GPHN: variants seen among roughly 807,000 people sequenced by gnomAD.
The protein encoded by GPHN is gephyrin.
A neutral mutation model predicts 95.5 loss-of-function variants in GPHN; 17 were observed. That is an observed-to-expected ratio of 0.18 (90% confidence interval 0.12 to 0.27). The LOEUF (loss-of-function observed/expected upper bound fraction) is 0.27, where lower values mean the gene tolerates loss of function less well. GPHN is among the 10% of genes least tolerant of loss of function. GPHN has a pLI of 1.00. For missense variants in GPHN, 660 were observed against 978.1 expected (o/e 0.67, Z 4.34); for synonymous variants, 320 against 322.5 (o/e 0.99, Z 0.08).
At chr14:67,122,526 G>T (rs1278258016) in intron 17 of GPHN, 149 bp downstream of exon 17, 1 of 681,258 alleles carries the variant, frequency 1.5e-6, no homozygotes, top group East Asian at 2.8e-5. Flanking sequence ...GAATATTGAG[G>T]TATCTATGTC....
chr14:67,392,463 A>G, the GPHN span: 1 of 1,500,488 alleles, frequency 6.7e-7, no homozygotes, highest in Non-Finnish European at 9.3e-7. Context: ...TCTGCTACAG[A>G]AAAGACCCAG....
chr14:67,008,331 C>T (rs1348364895), intron 9 of GPHN, among the ~76,000 whole-genome samples: 2 of 151,610 alleles, frequency 1.3e-5, no homozygotes. Flanking sequence ...TGGTGCGTGC[C>T]TGTAATCCCA....
intron 1 of GPHN, among the ~76,000 whole-genome samples, chr14:66,679,904 C>G (rs901245502): frequency 6.6e-6 from 1 of 152,140 alleles, no homozygotes; most frequent in East Asian, 1.9e-4. Flanking sequence ...TATTTATTCT[C>G]TTTTCCCTTG....
the GPHN span, among the ~76,000 whole-genome samples, chr14:67,520,225 CTCTTGGTGTTCTTT>C: frequency 0.4 from 61,101 of 151,950 alleles, 13,331 homozygotes; most frequent in Non-Finnish European, 0.49. Flanking sequence ...TTAGGGTTCA[CTCTTGGTGTTCTTT>C]TTATGAGTTT....
the GPHN span, among the ~76,000 whole-genome samples, chr14:67,446,894 G>A: frequency 6.6e-6 from 1 of 151,912 alleles, no homozygotes; most frequent in East Asian, 1.9e-4. Flanking sequence ...TTGGATCACA[G>A]CCACGTCCAT....
At chr14:67,338,798 C>G in the GPHN span, 3 of 1,568,882 alleles carry the variant, frequency 1.9e-6, no homozygotes, top group Non-Finnish European at 2.6e-6. Context: ...TTTTTAAACA[C>G]TGTTTCAATA....
the GPHN span, chr14:67,620,127 C>A: frequency 6.9e-7 from 1 of 1,448,722 alleles, no homozygotes; most frequent in Admixed American, 2.0e-5. Flanking sequence ...CAGGATCCTC[C>A]GCCCCCTAGA....
the GPHN span, chr14:67,725,162 G>A: frequency 2.2e-5 from 36 of 1,614,016 alleles, no homozygotes; most frequent in East Asian, 6.7e-5. Flanking sequence ...AGTGAAATCC[G>A]AGTGGATACA....
chr14:67,203,148 G>A, the GPHN span: 797 of 1,613,764 alleles, frequency 4.9e-4, no homozygotes, highest in Non-Finnish European at 6.5e-4. Flanking sequence ...CTGGGTGACC[G>A]TAGGCATCTG....
chr14:67,466,186 C>A, the GPHN span, among the ~76,000 whole-genome samples: 2 of 152,258 alleles, frequency 1.3e-5, no homozygotes, highest in Non-Finnish European at 2.9e-5. Context: ...CCCTTCTAAA[C>A]CAGAAAACTT....
chr14:67,684,305 T>C, the GPHN span, among the ~76,000 whole-genome samples: 1 of 152,122 alleles, frequency 6.6e-6, no homozygotes, highest in African/African-American at 2.4e-5. Flanking sequence ...GGTAAAAACA[T>C]GTTAAAATTT....
intron 3 of GPHN, among the ~76,000 whole-genome samples, chr14:66,780,067 T>G (rs1474562685): frequency 6.6e-6 from 1 of 152,134 alleles, no homozygotes; most frequent in African/African-American, 2.4e-5. Context: ...TGATAACTTA[T>G]TGGATGTTTA....
the GPHN span, chr14:67,574,024 T>G: frequency 1.4e-6 from 1 of 727,654 alleles, no homozygotes; most frequent in African/African-American, 1.8e-5. The surrounding 1 kb of genome is among the most constrained non-coding windows in gnomAD (Gnocchi z 4.2). Context: ...GATCCTAACT[T>G]GTGAGTACAA....
At chr14:67,218,569 C>A in the GPHN span, among the ~76,000 whole-genome samples, 1 of 152,034 alleles carries the variant, frequency 6.6e-6, no homozygotes, top group Non-Finnish European at 1.5e-5. Context: ...TGGGTTCTTG[C>A]CTGTTTGGCT....
At chr14:66,832,507 T>A (rs1596062369) in intron 4 of GPHN, among the ~76,000 whole-genome samples, 1 of 152,322 alleles carries the variant, frequency 6.6e-6, no homozygotes, top group South Asian at 2.1e-4. Flanking sequence ...CAGCCAGATA[T>A]GTGAAAAAAT....
At chr14:67,727,166 C>G in the GPHN span, 4 of 1,613,562 alleles carry the variant, frequency 2.5e-6, no homozygotes, top group African/African-American at 1.3e-5. Flanking sequence ...GCTTTTTACT[C>G]GTGAGCTGGC....
At position 66,867,807 on chromosome 14, in the gene GPHN, T is replaced by C. The variant is rs547422621; in HGVS notation, c.295-12132T>C. Among the ~76,000 whole-genome samples, 364 of 152,334 alleles carry C rather than the reference T, an allele frequency of 2.4e-3. 4 individuals carry two copies. The highest frequency in any genetic ancestry group is 8.2e-3 in the African/African-American group (343 of 41,578). Reference sequence around the variant, plus strand: ...GTTGAACATAAAGTGATTATAAAGATAAGACCAAATGGTACATATTGTCAT... The same window carrying C: ...GTTGAACATAAAGTGATTATAAAGACAAGACCAAATGGTACATATTGTCAT... On this transcript the variant is annotated intron_variant, in intron 4 of 22. Coordinates refer to ENST00000478722, the MANE Select transcript of GPHN (RefSeq NM_020806.5).
chr14:67,312,632 A>C, the GPHN span: 6 of 1,613,716 alleles, frequency 3.7e-6, no homozygotes, highest in South Asian at 6.6e-5. Context: ...TCATGTGATC[A>C]GTCAAGAAGA....
the GPHN span, among the ~76,000 whole-genome samples, chr14:67,609,922 G>C: frequency 5.9e-5 from 9 of 151,596 alleles, no homozygotes; most frequent in Admixed American, 3.9e-4. Context: ...TGGAAACGCT[G>C]TGAGATTGAG....
Sources: gnomAD v4.1 joint callset for allele counts (sites outside exome capture counted in the v4.1 genomes callset) on GRCh38, gnomAD v4.1.1 for gene constraint, Gnocchi (gnomAD v3.1) non-coding constraint, MANE v1.5 for transcripts, NCBI Gene and HGNC (gene_info 2026-07-23, HGNC 2026-07-21) for gene names.